PCDH18: variants seen among roughly 807,000 people sequenced by gnomAD.
PCDH18 encodes the protein protocadherin 18, also known as protocadherin-18.
A neutral mutation model predicts 71.5 loss-of-function variants in PCDH18; 38 were observed. The observed-to-expected ratio is 0.53, with a 90% CI of 0.41 to 0.70. PCDH18 has a LOEUF of 0.70. Among genes scored for constraint, PCDH18 ranks in the 30% least tolerant of loss-of-function variants. PCDH18 has a pLI of 0.00. For missense variants in PCDH18, 1,334 were observed against 1,384.6 expected, an observed-to-expected ratio of 0.96 and a Z score of 0.58; for synonymous variants, 565 against 505.4, an observed-to-expected ratio of 1.12 and a Z score of -1.58.
Position 137,520,838 on chromosome 4 carries a change from A to T in PCDH18, c.*191T>A, listed in dbSNP as rs569726137. ...AAATATAAGGTACAAATGTATTTTTAAAATACAGATTAAAATAATCACACT... is the reference window on the plus strand; with the variant it reads ...AAATATAAGGTACAAATGTATTTTTTAAATACAGATTAAAATAATCACACT... On this transcript the variant is annotated 3_prime_UTR_variant, in exon 4 of 4. Coordinates refer to ENST00000344876, the MANE Select transcript of PCDH18 (RefSeq NM_019035.5). The T allele has an allele frequency of 2.1e-6, 1 of 482,650 alleles. No individual in the cohort carries two copies. The highest frequency in any genetic ancestry group is 3.6e-6 in the Non-Finnish European group (1 of 275,526). 29.9% of individuals were successfully genotyped at this position (482,650 alleles called of 1,614,324 possible). A position where few individuals can be genotyped will look rare whatever the true frequency, so the allele number is the denominator to read the frequency against.
intron 2 of PCDH18, 24 bp from the exon 3 acceptor site, chr4:137,528,665 A>T (rs765929806): frequency 6.2e-7 from 1 of 1,613,002 alleles, no homozygotes; most frequent in Non-Finnish European, 8.5e-7. Context: ...TCACAAAAAA[A>T]AATTACAGTT....
chr4:137,530,379 A>G lies in PCDH18; in HGVS notation c.1710T>C (p.Asn570=). The change falls in exon 1 of 4, where the codon AAT becomes AAC. Residue 570 remains asparagine (N), a synonymous_variant. Coordinates refer to ENST00000344876, the MANE Select transcript of PCDH18 (RefSeq NM_019035.5). ...TTVVLTIIDE[N]DNVPVVIGPA... ...GCCCTATAACCACAGGAACGTTGTC[A>G]TTTTCGTCAATGATGGTGAGCACAA... 6.2e-7 allele frequency: 1 copy of G among 1,614,014 alleles called. No individual in the cohort carries two copies. The highest frequency in any genetic ancestry group is 8.5e-7 in the Non-Finnish European group (1 of 1,179,974).
At position 137,531,680 on chromosome 4, in the gene PCDH18, A is replaced by T. The variant is rs1731706375; in HGVS notation, c.409T>A (p.Phe137Ile). The change falls in exon 1 of 4, where the codon TTT becomes ATT. Residue 137 changes from phenylalanine to isoleucine, a missense_variant. Coordinates refer to ENST00000344876, the MANE Select transcript of PCDH18 (RefSeq NM_019035.5). ...VLDINDNSPQ[F>I]SRSLIPIEIS... ...TCAATAGGTATGAGAGATCTTGAAA[A>T]CTGGGGAGAATTGTCATTAATATCC... 1 of 1,614,056 alleles carries T rather than the reference A, an allele frequency of 6.2e-7. No homozygotes were observed. The highest frequency in any genetic ancestry group is 1.7e-5 in the Admixed American group (1 of 60,014).
intron 2 of PCDH18, 45 bp from the exon 3 acceptor site, chr4:137,528,686 A>G: frequency 6.2e-7 from 1 of 1,608,478 alleles, no homozygotes; most frequent in African/African-American, 1.3e-5. Context: ...TTTACTCTTC[A>G]GCATTTATGT....
rs1338337233 is a variant in PCDH18 at position 137,520,449 on chromosome 4, TCA to T, written c.*578_*579del. 6.6e-6 allele frequency: 1 copy of T among 152,260 alleles called. No individual in the cohort carries two copies. Among genetic ancestry groups the T allele is most frequent in the Non-Finnish European group, 1.5e-5 (1 of 68,030 alleles). The allele number at this position is 152,260 out of a possible 1,614,324, so 9.4% of individuals were successfully genotyped here. A position where few individuals can be genotyped will look rare whatever the true frequency, so the allele number is the denominator to read the frequency against. On this transcript the variant is annotated 3_prime_UTR_variant, in exon 4 of 4. Coordinates refer to ENST00000344876, the MANE Select transcript of PCDH18 (RefSeq NM_019035.5). ...TAATAAATAACCTTCAAGATATTTCTCAGTCCTGAAATAAACTTTCACTTTAT... is the reference window on the plus strand; with the variant it reads ...TAATAAATAACCTTCAAGATATTTCTGTCCTGAAATAAACTTTCACTTTAT...
chr4:137,522,329 A>C, intron 3 of PCDH18, among the ~76,000 whole-genome samples: 1 of 152,286 alleles, frequency 6.6e-6, no homozygotes, highest in Middle Eastern at 3.4e-3. Context: ...TTTATATTCA[A>C]ATATGTGAAA....
chr4:137,522,424 C>T (rs778556074), intron 3 of PCDH18, among the ~76,000 whole-genome samples: 12 of 151,706 alleles, frequency 7.9e-5, no homozygotes, highest in Non-Finnish European at 1.6e-4. Flanking sequence ...ATATGAGTGG[C>T]CACAGTCATA....
chr4:137,528,970 G>A (rs62330469), intron 1 of PCDH18, 150 bp from the exon 2 acceptor site: 139,363 of 633,894 alleles, frequency 0.22, 16,606 homozygotes, highest in East Asian at 0.32. Flanking sequence ...GGACTGTGGC[G>A]GACCACGCAG....
Position 137,528,746 on chromosome 4 carries a change from A to G in PCDH18, c.2562T>C (p.Tyr854=). Residue 854 remains tyrosine, a synonymous_variant, in exon 2 of 4, where the codon TAT becomes TAC. Coordinates refer to ENST00000344876, the MANE Select transcript of PCDH18 (RefSeq NM_019035.5). ...QPRPSFRGNK[Y]SRSYRYALQD... Reference sequence around the variant, plus strand: ...ATAATTCATACCTGTAGCTCCTGGAATATTTGTTTCCTCGAAAACTTGGTC... The same window carrying G: ...ATAATTCATACCTGTAGCTCCTGGAGTATTTGTTTCCTCGAAAACTTGGTC... 6.2e-7 allele frequency: 1 copy of G among 1,613,076 alleles called. No homozygotes were observed. Among genetic ancestry groups the G allele is most frequent in the Non-Finnish European group, 8.5e-7 (1 of 1,179,144 alleles).
chr4:137,521,198 T>TG lies in PCDH18; in HGVS notation c.3238dup (p.Gln1080ProfsTer15). On this transcript the variant is annotated frameshift_variant, in exon 4 of 4. Coordinates refer to ENST00000344876, the MANE Select transcript of PCDH18 (RefSeq NM_019035.5). LOFTEE classifies it high-confidence loss of function. ...GGCTGGCAGCCATTTTGAAGAAGGC[T>TG]GCACACTGGAGTGAGTTCCAAGTGG... 6.2e-7 allele frequency: 1 copy of TG among 1,614,216 alleles called. No individual in the cohort carries two copies. Among genetic ancestry groups the TG allele is most frequent in the Non-Finnish European group, 8.5e-7 (1 of 1,180,012 alleles).
At chr4:137,521,730 T>G in intron 3 of PCDH18, 34 bp from the exon 4 acceptor site, 1 of 1,504,972 alleles carries the variant, frequency 6.6e-7, no homozygotes, top group South Asian at 1.2e-5. Flanking sequence ...GATTCATTAT[T>G]ATACTTAGCA....
At position 137,521,446 on chromosome 4, in the gene PCDH18, C is replaced by T; in HGVS notation, c.2991G>A (p.Gly997=). 1 of 1,614,172 alleles carries T rather than the reference C, an allele frequency of 6.2e-7. No individual in the cohort carries two copies. The part of the protein sequence containing the change: ...GKDSPNDEDT[G]DTSTSSLLSE... ...AGAGCAGAGATGATGTGCTGGTATCCCCAGTGTCCTCATCGTTTGGGGAGT... is the reference window on the plus strand; with the variant it reads ...AGAGCAGAGATGATGTGCTGGTATCTCCAGTGTCCTCATCGTTTGGGGAGT... Residue 997 remains glycine, a synonymous_variant, in exon 4 of 4, where the codon GGG becomes GGA. Coordinates refer to ENST00000344876, the MANE Select transcript of PCDH18 (RefSeq NM_019035.5).
At chr4:137,529,227 A>G (rs895103538) in intron 1 of PCDH18, 7 of 248,722 alleles carry the variant, frequency 2.8e-5, no homozygotes, top group Non-Finnish European at 5.4e-5. Context: ...TTGAAATAGA[A>G]GTCTGAAGGC....
chr4:137,529,652 C>T lies in PCDH18; in HGVS notation c.2437G>A (p.Val813Met), dbSNP rs774891523. The T allele has an allele frequency of 1.1e-5, 17 of 1,612,908 alleles. No homozygotes were observed. The Admixed American group carries it at 1.5e-4, about 14-fold the overall frequency. Reference protein sequence around the residue: ...NSLVTISSNHVPENFSLELTH... With the variant: ...NSLVTISSNHMPENFSLELTH... ...AGTTCTAATGAGAAATTCTCTGGCA[C>T]GTGGTTTGATGAGATTGTCACCAAA... The change falls in exon 1 of 4, where the codon GTG becomes ATG. Residue 813 changes from valine to methionine, a missense_variant. Physicochemically the swap from Val to Met is conservative, Grantham distance 21. Coordinates refer to ENST00000344876, the MANE Select transcript of PCDH18 (RefSeq NM_019035.5).
chr4:137,527,257 G>C (rs1731495382), intron 3 of PCDH18, among the ~76,000 whole-genome samples: 1 of 152,260 alleles, frequency 6.6e-6, no homozygotes, highest in Admixed American at 6.5e-5. Context: ...CTTATATAAA[G>C]TGGTATGGCA....
In PCDH18 at chr4:137,520,932, A is replaced by G; in HGVS notation, c.*97T>C. ...ACACAGACACATTTATGATAAATGCAACTATTTGGCAATGCCAGTTCTTTC... is the reference window on the plus strand; with the variant it reads ...ACACAGACACATTTATGATAAATGCGACTATTTGGCAATGCCAGTTCTTTC... On this transcript the variant is annotated 3_prime_UTR_variant, in exon 4 of 4. Transcript: ENST00000344876. 1.3e-6 allele frequency: 1 copy of G among 777,348 alleles called. No homozygotes were observed. The highest frequency in any genetic ancestry group is 2.1e-6 in the Non-Finnish European group (1 of 475,212). 48.2% of individuals were successfully genotyped at this position (777,348 alleles called of 1,614,324 possible).
rs752780691 is a variant in PCDH18, at chr4:137,531,542, T to TA, written c.546dup (p.Asn183Ter). 4 of 1,613,076 alleles carry TA rather than the reference T, an allele frequency of 2.5e-6. No homozygotes were observed. Among genetic ancestry groups the TA allele is most frequent in the South Asian group, 1.1e-5 (1 of 90,982 alleles). On this transcript the variant is annotated frameshift_variant, in exon 1 of 4. Coordinates refer to ENST00000344876, the MANE Select transcript of PCDH18 (RefSeq NM_019035.5). LOFTEE classifies it high-confidence loss of function. ...TCAGTCCTGGTCCGAACCTCGATAT[T>TA]AAAAAAATCATTGGCAGAGAGCGAG...
chr4:137,532,066 A>C lies in PCDH18; in HGVS notation c.23T>G (p.Met8Arg). The C allele has an allele frequency of 6.2e-7, 1 of 1,609,572 alleles. No individual in the cohort carries two copies. Among genetic ancestry groups the C allele is most frequent in the Non-Finnish European group, 8.5e-7 (1 of 1,177,470 alleles). MHQMNAK[M>R]HFRFVFALLI... Reference sequence around the variant, plus strand: ...AAGTGCAAAAACAAACCTAAAGTGCATTTTAGCATTCATTTGGTGCATTGG... The same window carrying C: ...AAGTGCAAAAACAAACCTAAAGTGCCTTTTAGCATTCATTTGGTGCATTGG... Residue 8 changes from methionine (M) to arginine (R), a missense_variant, in exon 1 of 4, where the codon ATG (methionine) becomes AGG (arginine). Met to Arg is a moderately conservative substitution (Grantham distance 91). Around this residue, in one of 3 missense-constraint regions of PCDH18, gnomAD observed 1,011 missense variants for 1,048.0 expected, o/e 0.96. Coordinates refer to ENST00000344876, the MANE Select transcript of PCDH18 (RefSeq NM_019035.5).
At chr4:137,529,495 G>A in intron 1 of PCDH18, 107 bp downstream of exon 1, 2 of 727,336 alleles carry the variant, frequency 2.7e-6, no homozygotes, top group East Asian at 5.4e-5. Flanking sequence ...AATTTGCACA[G>A]TATTAGTATT....
Sources: allele counts gnomAD v4.1 joint callset (sites outside exome capture counted in the v4.1 genomes callset), GRCh38; gene constraint gnomAD v4.1.1; regional missense constraint gnomAD v4.1.1; transcripts MANE v1.5; gene names NCBI Gene and HGNC (gene_info 2026-07-23, HGNC 2026-07-21).